Variants in PLA2G5 observed in about 807,000 individuals in gnomAD.
PLA2G5 encodes the protein Ca2+-dependent phospholipase A2.
Under a neutral mutation model 15.9 loss-of-function variants are expected in PLA2G5, and 12 were observed. The ratio of observed to expected loss-of-function variants is 0.76; its 90% CI spans 0.48 to 1.23. The LOEUF is 1.23. PLA2G5 is among the 50% of genes most tolerant of loss of function. The pLI, the probability that PLA2G5 is intolerant of heterozygous loss-of-function variation, is 0.00. For missense variants in PLA2G5, 169 were observed against 177.1 expected (o/e 0.95, Z 0.26); for synonymous variants, 71 against 71.4 (o/e 0.99, Z 0.03).
chr1:20,074,329 T>C (rs570488897), intron 1 of PLA2G5, among the ~76,000 whole-genome samples: 1 of 152,196 alleles, frequency 6.6e-6, no homozygotes, highest in Non-Finnish European at 1.5e-5. Flanking sequence ...GCATAAACTG[T>C]TGCAGGGAGG....
At chr1:20,084,987 A>G (rs1013194966) in intron 2 of PLA2G5, 117 bp downstream of exon 2, 7 of 788,494 alleles carry the variant, frequency 8.9e-6, no homozygotes, top group Non-Finnish European at 1.4e-5. Flanking sequence ...TCGGCTCTGC[A>G]CTGACTGCAT....
chr1:20,037,213 C>T (rs140069033), intron 1 of PLA2G5, among the ~76,000 whole-genome samples: 96 of 152,260 alleles, frequency 6.3e-4, no homozygotes, highest in African/African-American at 1.9e-3. Flanking sequence ...GGGGTTCAAG[C>T]GTTGCTGTTC....
At chr1:20,058,369 TATGTAA>T (rs1308360867) in intron 1 of PLA2G5, among the ~76,000 whole-genome samples, 1 of 152,238 alleles carries the variant, frequency 6.6e-6, no homozygotes, top group Non-Finnish European at 1.5e-5. Context: ...TCTTCATCAT[TATGTAA>T]ATGCCCCTCT....
chr1:20,044,608 A>G (rs902176850), intron 1 of PLA2G5, among the ~76,000 whole-genome samples: 1 of 152,188 alleles, frequency 6.6e-6, no homozygotes, highest in Non-Finnish European at 1.5e-5. Context: ...AAAAAGGAGC[A>G]TTAACCTTGA....
At chr1:20,030,627 T>C (rs1451293133) in intron 1 of PLA2G5, among the ~76,000 whole-genome samples, 1 of 152,070 alleles carries the variant, frequency 6.6e-6, no homozygotes, top group African/African-American at 2.4e-5. Context: ...TGGTCAGGTC[T>C]TTCCCTTCCC....
intron 2 of PLA2G5, among the ~76,000 whole-genome samples, chr1:20,085,718 C>T (rs750427874): frequency 1.3e-5 from 2 of 152,146 alleles, no homozygotes; most frequent in Non-Finnish European, 2.9e-5. Flanking sequence ...TGTCTGCCAC[C>T]GTGCTCAAAA....
At chr1:20,089,307 T>C (rs1227169891) in intron 3 of PLA2G5, among the ~76,000 whole-genome samples, 1 of 152,232 alleles carries the variant, frequency 6.6e-6, no homozygotes, top group Non-Finnish European at 1.5e-5. Flanking sequence ...ACGAGAAGTT[T>C]ATTTCTGGAT....
chr1:20,038,009 G>A (rs1227500632), intron 1 of PLA2G5, among the ~76,000 whole-genome samples: 2 of 152,072 alleles, frequency 1.3e-5, no homozygotes, highest in Admixed American at 6.6e-5. Context: ...GCTGTGTCAT[G>A]CAGGTCACCA....
intron 1 of PLA2G5, among the ~76,000 whole-genome samples, chr1:20,072,076 C>A (rs556008295): frequency 2.2e-5 from 3 of 138,140 alleles, no homozygotes; most frequent in South Asian, 2.4e-4. Flanking sequence ...CCGCTGCGCT[C>A]CAGCCTGGGG....
chr1:20,055,200 C>G (rs2014375886), intron 1 of PLA2G5, among the ~76,000 whole-genome samples: 1 of 152,094 alleles, frequency 6.6e-6, no homozygotes. Flanking sequence ...ATGATGAAAC[C>G]CCCACACAGT....
At chr1:20,081,794 C>A (rs1159830821) in intron 1 of PLA2G5, among the ~76,000 whole-genome samples, 1 of 151,886 alleles carries the variant, frequency 6.6e-6, no homozygotes, top group Admixed American at 6.5e-5. Flanking sequence ...ATTCTCATGG[C>A]TGTAATCCCA....
chr1:20,070,568 C>T (rs1354138190), intron 1 of PLA2G5, 103 bp downstream of exon 1: 9 of 688,302 alleles, frequency 1.3e-5, no homozygotes, highest in Non-Finnish European at 1.6e-5. Context: ...AAGAGGAGGC[C>T]CAGGGGGAGG....
intron 1 of PLA2G5, among the ~76,000 whole-genome samples, chr1:20,050,755 T>C (rs1189117935): frequency 6.6e-6 from 1 of 152,190 alleles, no homozygotes; most frequent in Non-Finnish European, 1.5e-5. Context: ...GTTAAATGAA[T>C]GACTTATTTT....
intron 1 of PLA2G5, among the ~76,000 whole-genome samples, chr1:20,043,726 CA>C (rs953924790): frequency 1.5e-4 from 23 of 152,234 alleles, no homozygotes; most frequent in African/African-American, 5.3e-4. Flanking sequence ...CAAGTTGGCA[CA>C]AGAGTGGGGG....
At chr1:20,056,307 G>C (rs1006209380) in intron 1 of PLA2G5, among the ~76,000 whole-genome samples, 1 of 151,728 alleles carries the variant, frequency 6.6e-6, no homozygotes, top group Non-Finnish European at 1.5e-5. Context: ...CTCAAGGGCA[G>C]GTGTTCCTCC....
intron 2 of PLA2G5, among the ~76,000 whole-genome samples, chr1:20,064,279 A>G (rs571764201): frequency 6.6e-6 from 1 of 152,354 alleles, no homozygotes; most frequent in South Asian, 2.1e-4. Context: ...CCTTATTTAG[A>G]AAACAGAATA....
chr1:20,058,013 T>C (rs1413723768), intron 1 of PLA2G5, among the ~76,000 whole-genome samples: 1 of 152,230 alleles, frequency 6.6e-6, no homozygotes, highest in African/African-American at 2.4e-5. Context: ...TCTATTCTTT[T>C]ACACTTGTTA....
chr1:20,039,959 A>G (rs2013498913), intron 1 of PLA2G5, among the ~76,000 whole-genome samples: 1 of 152,184 alleles, frequency 6.6e-6, no homozygotes, highest in South Asian at 2.1e-4. Flanking sequence ...CTCACCACCA[A>G]ACTATTCACA....
chr1:20,048,097 C>A lies in PLA2G5; in HGVS notation n.277-11535C>A, dbSNP rs188473800. ...CATCTATCTATTTATGTGTTGTGTA[C>A]ACAATGTTTCACTACTGAAAATATA... On this transcript the variant is annotated intron_variant and non_coding_transcript_variant, in intron 1 of 6. Transcript: ENST00000460175. Among the ~76,000 whole-genome samples, 37 of 152,054 alleles carry A rather than the reference C, an allele frequency of 2.4e-4. No homozygotes were observed. In the East Asian group the frequency reaches 6.8e-3, roughly 28 times the overall value.
Sources: allele counts gnomAD v4.1 joint callset (sites outside exome capture counted in the v4.1 genomes callset), GRCh38; gene constraint gnomAD v4.1.1; transcripts MANE v1.5; gene names NCBI Gene and HGNC (gene_info 2026-07-23, HGNC 2026-07-21).